CFAP299: variants seen among roughly 807,000 people sequenced by gnomAD.
The protein encoded by CFAP299 is cilia- and flagella-associated protein 299.
Under a neutral mutation model 27.0 loss-of-function variants are expected in CFAP299, and 21 were observed. The observed-to-expected ratio is 0.78, with a 90% confidence interval of 0.55 to 1.12. The LOEUF is 1.12. Ranked by LOEUF, CFAP299 falls within the 50% of genes most tolerant of loss-of-function variation. The pLI is 0.00. For missense variants in CFAP299, 310 were observed against 276.6 expected (o/e 1.12, Z -0.86); for synonymous variants, 104 against 98.1 (o/e 1.06, Z -0.36).
intron 4 of CFAP299, among the ~76,000 whole-genome samples, chr4:80,910,115 C>G (rs1340609444): frequency 6.6e-6 from 1 of 152,142 alleles, no homozygotes; most frequent in Admixed American, 6.5e-5. Context: ...CACATCTAAA[C>G]TTTACCCCAG....
At chr4:80,460,210 C>T (rs1395525664) in intron 2 of CFAP299, among the ~76,000 whole-genome samples, 1 of 152,050 alleles carries the variant, frequency 6.6e-6, no homozygotes, top group Non-Finnish European at 1.5e-5. Context: ...TCTCTCTCTT[C>T]CACAAGCCAA....
chr4:80,799,276 A>G (rs1421456367), intron 3 of CFAP299, among the ~76,000 whole-genome samples: 2 of 111,016 alleles, frequency 1.8e-5, no homozygotes, highest in Non-Finnish European at 3.3e-5. Flanking sequence ...TAATATTTAT[A>G]TATATATTGT....
chr4:80,499,026 T>C (rs894743464), intron 2 of CFAP299, among the ~76,000 whole-genome samples: 1 of 152,094 alleles, frequency 6.6e-6, no homozygotes, highest in African/African-American at 2.4e-5. Flanking sequence ...TTCTCACTTA[T>C]AAGTGGGAAC....
chr4:80,894,569 T>C (rs1358212125), intron 4 of CFAP299, among the ~76,000 whole-genome samples: 1 of 151,998 alleles, frequency 6.6e-6, no homozygotes, highest in Non-Finnish European at 1.5e-5. Flanking sequence ...ACAGCTTTAC[T>C]CTTTTGTGCA....
chr4:80,390,842 T>TGC (rs1725405148), intron 2 of CFAP299, among the ~76,000 whole-genome samples: 2 of 127,958 alleles, frequency 1.6e-5, no homozygotes, highest in African/African-American at 6.7e-5. Context: ...TATATGTATA[T>TGC]ACACATATAT....
At chr4:80,726,130 C>T (rs1723147173) in intron 3 of CFAP299, among the ~76,000 whole-genome samples, 1 of 151,892 alleles carries the variant, frequency 6.6e-6, no homozygotes, top group Non-Finnish European at 1.5e-5. Context: ...TTCCCTTGTT[C>T]TCATTGCCCT....
intron 2 of CFAP299, chr4:80,388,654 T>C: frequency 8.1e-7 from 1 of 1,231,812 alleles, no homozygotes; most frequent in Non-Finnish European, 1.2e-6. Flanking sequence ...CCAGTAATGA[T>C]GGGACAGCTA....
intron 2 of CFAP299, among the ~76,000 whole-genome samples, chr4:80,552,004 C>A (rs1289330092): frequency 6.6e-6 from 1 of 152,194 alleles, no homozygotes; most frequent in Non-Finnish European, 1.5e-5. Context: ...CCGCCTTGTC[C>A]TCCCAAAGTG....
In CFAP299 at chr4:80,707,797, A is replaced by G. The variant is rs574790267; in HGVS notation, c.333+124614A>G. Among the ~76,000 whole-genome samples the G allele has an allele frequency of 3.9e-5, 6 of 152,206 alleles. No homozygotes were observed. The East Asian group carries it at 1.2e-3, about 29-fold the overall frequency. ...AGTGATTTATACATATGGCTACATT[A>G]TAATTATCTGTGTAGCAAACACAAA... On this transcript the variant is annotated intron_variant, in intron 3 of 5. Transcript: ENST00000358105.
chr4:80,862,770 T>C (rs1732463212), intron 3 of CFAP299, among the ~76,000 whole-genome samples: 1 of 152,100 alleles, frequency 6.6e-6, no homozygotes, highest in Admixed American at 6.6e-5. Flanking sequence ...CATAACCCTG[T>C]GAATTGTATG....
chr4:80,328,352 A>G, the CFAP299 span, among the ~76,000 whole-genome samples: 1 of 152,172 alleles, frequency 6.6e-6, no homozygotes, highest in African/African-American at 2.4e-5. Flanking sequence ...AATGTGACTA[A>G]CAGCAGGATG....
intron 2 of CFAP299, among the ~76,000 whole-genome samples, chr4:80,449,482 T>A (rs1398143699): frequency 6.6e-6 from 1 of 151,926 alleles, no homozygotes; most frequent in Non-Finnish European, 1.5e-5. Context: ...GAATTTCATT[T>A]TTTTTTACTT....
chr4:80,518,185 A>G (rs982985273), intron 2 of CFAP299, among the ~76,000 whole-genome samples: 3 of 152,116 alleles, frequency 2.0e-5, no homozygotes, highest in Non-Finnish European at 4.4e-5. Context: ...GACATACAAG[A>G]TAATATTAGC....
chr4:80,954,657 CA>C (rs1156525543), intron 5 of CFAP299, among the ~76,000 whole-genome samples: 1 of 151,954 alleles, frequency 6.6e-6, no homozygotes, highest in East Asian at 1.9e-4. Flanking sequence ...GAGGTTGCTC[CA>C]AGGGGATAGG....
intron 3 of CFAP299, among the ~76,000 whole-genome samples, chr4:80,625,180 T>G (rs907503764): frequency 6.6e-6 from 1 of 152,096 alleles, no homozygotes; most frequent in Non-Finnish European, 1.5e-5. Flanking sequence ...CCAAAATAAC[T>G]TATTGAGGGA....
At chr4:80,440,736 G>T (rs189778896) in intron 2 of CFAP299, among the ~76,000 whole-genome samples, 1 of 152,322 alleles carries the variant, frequency 6.6e-6, no homozygotes, top group Admixed American at 6.5e-5. Flanking sequence ...GTAGTCTTCA[G>T]AAGGTGGGTA....
At chr4:80,595,200 C>G (rs1461279793) in intron 3 of CFAP299, among the ~76,000 whole-genome samples, 3 of 152,064 alleles carry the variant, frequency 2.0e-5, no homozygotes, top group Non-Finnish European at 4.4e-5. Flanking sequence ...ATTCCTGAGT[C>G]CTGAATTTCT....
intron 2 of CFAP299, among the ~76,000 whole-genome samples, chr4:80,493,761 T>A (rs1324085450): frequency 7.0e-5 from 4 of 57,290 alleles, no homozygotes; most frequent in African/African-American, 6.6e-4. Flanking sequence ...CTCATATTCT[T>A]TTTTTTTTTT....
chr4:80,869,851 G>A (rs1168536597), intron 3 of CFAP299, 142 bp from the exon 4 acceptor site: 1 of 756,048 alleles, frequency 1.3e-6, no homozygotes. Flanking sequence ...AAAAGAAGCT[G>A]TTCAATGTTA....
Sources: gnomAD v4.1 joint callset for allele counts (sites outside exome capture counted in the v4.1 genomes callset) on GRCh38, gnomAD v4.1.1 for gene constraint, MANE v1.5 for transcripts, NCBI Gene and HGNC (gene_info 2026-07-23, HGNC 2026-07-21) for gene names.